Variants in RHAG observed in about 807,000 individuals in gnomAD.
RHAG encodes the protein Rh associated glycoprotein, also known as ammonium transporter Rh type A.
A neutral mutation model predicts 42.4 loss-of-function variants in RHAG; 25 were observed. That is an observed-to-expected ratio of 0.59 (90% CI 0.43 to 0.82). The LOEUF (loss-of-function observed/expected upper bound fraction) is 0.82. RHAG is among the 40% of genes least tolerant of loss of function. The pLI, the probability that RHAG is intolerant of heterozygous loss-of-function variation, is 0.00. For synonymous variants in RHAG, 182 were observed against 177.7 expected, an observed-to-expected ratio of 1.02 and a Z score of -0.19; for missense variants, 483 against 504.6, an observed-to-expected ratio of 0.96 and a Z score of 0.41.
chr6:49,606,244 G>A (rs1230176623), intron 9 of RHAG, among the ~76,000 whole-genome samples: 2 of 152,080 alleles, frequency 1.3e-5, no homozygotes, highest in African/African-American at 4.8e-5. Flanking sequence ...TTTATGTATA[G>A]CATAGTTTAA....
chr6:49,633,379 G>T (rs1327864753), intron 1 of RHAG, among the ~76,000 whole-genome samples: 1 of 152,018 alleles, frequency 6.6e-6, no homozygotes, highest in Non-Finnish European at 1.5e-5. Flanking sequence ...TTAACTATCT[G>T]TTCTCCATTA....
At chr6:49,606,805 T>C (rs1762475518) in intron 9 of RHAG, 43 bp downstream of exon 9, 2 of 1,279,996 alleles carry the variant, frequency 1.6e-6, no homozygotes, top group Non-Finnish European at 2.3e-6. Flanking sequence ...CTTTCACTAA[T>C]GGAGTCATCG....
chr6:49,606,821 A>G lies in RHAG; in HGVS notation c.1212+27T>C, dbSNP rs978640166. 13 of 1,462,546 alleles carry G rather than the reference A, an allele frequency of 8.9e-6. No individual in the cohort carries two copies. The Admixed American group carries it at 1.8e-4, about 21-fold the overall frequency. The allele number at this position is 1,462,546 out of a possible 1,614,324, so 90.6% of individuals were successfully genotyped here. On this transcript the variant is annotated intron_variant, in intron 9 of 9. Transcript: ENST00000371175. ...TTTCACTAATGGAGTCATCGTTCAC[A>G]TTCTTGTTTAGAATACTGTACAGTA...
At chr6:49,629,262 T>C (rs1416079550) in intron 1 of RHAG, among the ~76,000 whole-genome samples, 2 of 151,392 alleles carry the variant, frequency 1.3e-5, no homozygotes, top group African/African-American at 4.9e-5. Flanking sequence ...GTATTTACAA[T>C]CCCTGAGCTA....
At position 49,624,326 on chromosome 6, in the gene RHAG, C is replaced by T. The variant is rs148292491; in HGVS notation, c.158-4964G>A. ...GTTCAAGTGATTCTCCTGTCTCAGC[C>T]TCCCGAGTAGCTGGGACTACAGGCG... On this transcript the variant is annotated intron_variant, in intron 1 of 9. Transcript: ENST00000371175. Among the ~76,000 whole-genome samples the T allele has an allele frequency of 8.0e-3, 1,223 of 152,288 alleles. 18 individuals carry two copies. The highest frequency in any genetic ancestry group is 0.027 in the African/African-American group (1,142 of 41,566).
At chr6:49,632,595 A>T (rs1159948140) in intron 1 of RHAG, among the ~76,000 whole-genome samples, 1 of 152,188 alleles carries the variant, frequency 6.6e-6, no homozygotes, top group Non-Finnish European at 1.5e-5. Flanking sequence ...AAGTCAGTGA[A>T]TCAATATTTT....
chr6:49,617,716 A>G (rs1562015006), intron 3 of RHAG, among the ~76,000 whole-genome samples: 1 of 152,200 alleles, frequency 6.6e-6, no homozygotes, highest in Non-Finnish European at 1.5e-5. Context: ...TAAAAATATA[A>G]AAAAGGAATT....
At position 49,614,739 on chromosome 6, in the gene RHAG, A is replaced by G; in HGVS notation, c.755T>C (p.Leu252Pro). ...NTYFSLAACV[L>P]TAFAFSSLVE... Reference sequence around the variant, plus strand: ...TAGGCTGGAGAAGGCAAAGGCTGTGAGCACACAGGCAGCGAGAGAGAAGTA... The same window carrying G: ...TAGGCTGGAGAAGGCAAAGGCTGTGGGCACACAGGCAGCGAGAGAGAAGTA... The change falls in exon 5 of 10, where the codon CTC (leucine) becomes CCC (proline). Residue 252 changes from leucine to proline, a missense_variant. Physicochemically the swap from Leu to Pro is moderately conservative, Grantham distance 98 (BLOSUM62 -3). Coordinates refer to ENST00000371175, the MANE Select transcript of RHAG (RefSeq NM_000324.3). The G allele has an allele frequency of 6.2e-7, 1 of 1,614,090 alleles. No individual in the cohort carries two copies. Among genetic ancestry groups the G allele is most frequent in the African/African-American group, 1.3e-5 (1 of 75,034 alleles).
At chr6:49,632,085 A>G (rs1762944044) in intron 1 of RHAG, 1 of 152,122 alleles carries the variant, frequency 6.6e-6, no homozygotes, top group Non-Finnish European at 1.5e-5. Context: ...AGAAGTTAAA[A>G]CTATTTTCAT....
At chr6:49,627,621 G>A (rs2127357031) in intron 1 of RHAG, among the ~76,000 whole-genome samples, 1 of 152,244 alleles carries the variant, frequency 6.6e-6, no homozygotes, top group East Asian at 1.9e-4. Flanking sequence ...TTCTCACACT[G>A]CTAATGAAAA....
chr6:49,625,965 T>C (rs1762836219), intron 1 of RHAG, among the ~76,000 whole-genome samples: 1 of 152,134 alleles, frequency 6.6e-6, no homozygotes. Flanking sequence ...ACGTATTCAC[T>C]ATCATGGGAA....
intron 3 of RHAG, among the ~76,000 whole-genome samples, 157 bp from the exon 4 acceptor site, chr6:49,615,928 G>A (rs1262220912): frequency 6.6e-6 from 1 of 152,136 alleles, no homozygotes; most frequent in African/African-American, 2.4e-5. Context: ...AAAACAGGGA[G>A]TAAAACAGAA....
At chr6:49,630,239 T>G (rs1040648503) in intron 1 of RHAG, among the ~76,000 whole-genome samples, 2 of 152,266 alleles carry the variant, frequency 1.3e-5, no homozygotes, top group Non-Finnish European at 2.9e-5. Context: ...TTTGTCTGTT[T>G]TGTTGCTCTG....
chr6:49,616,134 T>A (rs1762650129), intron 3 of RHAG, among the ~76,000 whole-genome samples: 1 of 152,140 alleles, frequency 6.6e-6, no homozygotes, highest in African/African-American at 2.4e-5. Context: ...AGTTCCCTGG[T>A]GGGCACACAA....
At chr6:49,617,917 G>T in intron 3 of RHAG, 151 bp downstream of exon 3, 3 of 689,780 alleles carry the variant, frequency 4.3e-6, no homozygotes, top group Admixed American at 4.5e-5. Context: ...CTAGTTTACA[G>T]TAGGCACTCA....
At chr6:49,606,390 AAAC>A (rs1774164179) in intron 9 of RHAG, among the ~76,000 whole-genome samples, 1 of 152,096 alleles carries the variant, frequency 6.6e-6, no homozygotes. Context: ...CAGAGGAGTG[AAAC>A]AACATTTACT....
intron 6 of RHAG, 146 bp from the exon 7 acceptor site, chr6:49,611,291 T>C: frequency 3.1e-6 from 2 of 646,004 alleles, no homozygotes; most frequent in Non-Finnish European, 5.2e-6. Context: ...GTATACAACA[T>C]GATGTTATGA....
intron 1 of RHAG, among the ~76,000 whole-genome samples, chr6:49,622,659 ACTT>A (rs1035284876): frequency 8.6e-5 from 13 of 151,710 alleles, no homozygotes; most frequent in African/African-American, 3.1e-4. Context: ...AGTCAAATAA[ACTT>A]CTTTCGTTCG....
intron 1 of RHAG, chr6:49,631,850 C>T (rs1762941122): frequency 6.6e-6 from 1 of 152,162 alleles, no homozygotes; most frequent in South Asian, 2.1e-4. Context: ...ATGACAATTC[C>T]AGGTAACAAT....
Sources: gnomAD v4.1 joint callset for allele counts (sites outside exome capture counted in the v4.1 genomes callset) on GRCh38, gnomAD v4.1.1 for gene constraint, MANE v1.5 for transcripts, NCBI Gene and HGNC (gene_info 2026-07-23, HGNC 2026-07-21) for gene names.